Variants in POLD1 observed in about 807,000 individuals in gnomAD.
The protein encoded by POLD1 is DNA polymerase delta catalytic subunit.
POLD1 carries 79 observed loss-of-function variants against 129.7 expected under a neutral mutation model. The observed-to-expected ratio is 0.61, with a 90% CI of 0.51 to 0.73. The LOEUF is 0.73. Ranked by LOEUF, POLD1 falls within the 30% of genes least tolerant of loss-of-function variation. POLD1 has a pLI of 0.00. For synonymous variants in POLD1, 714 were observed against 683.3 expected (o/e 1.04, Z -0.70); for missense variants, 1,338 against 1,595.8 (o/e 0.84, Z 2.75).
At chr19:50,400,133 ATTTTTTTTTTTTT>A (rs71182715) in intron 3 of POLD1, among the ~76,000 whole-genome samples, 3,134 of 48,346 alleles carry the variant, frequency 0.065, 188 homozygotes, top group African/African-American at 0.17. Flanking sequence ...TTTTTAAAAG[ATTTTTTTTTTTTT>A]TTTTTTTTTT....
chr19:50,405,721 G>T (rs764374522), intron 10 of POLD1, among the ~76,000 whole-genome samples: 1 of 152,074 alleles, frequency 6.6e-6, no homozygotes, highest in Non-Finnish European at 1.5e-5. Context: ...CCCAGCTCAG[G>T]CTTCTTCTGG....
At chr19:50,388,982 A>G (rs1166299863) in intron 1 of POLD1, among the ~76,000 whole-genome samples, 4 of 151,554 alleles carry the variant, frequency 2.6e-5, no homozygotes, top group African/African-American at 9.7e-5. Context: ...ATAGGCGCGC[A>G]CCACCACATC....
rs775434361 is a variant in POLD1, at chr19:50,407,354, G to A, written c.1714G>A (p.Val572Met). The stretch of plus-strand genomic sequence containing the variant: ...CATGCACGAGGGGCTGCTGATGCCC[G>A]TGGTGAAGTCAGAGGGCGGCGAGGA... Reference protein sequence around the residue: ...QAMHEGLLMPVVKSEGGEDYT... With the variant: ...QAMHEGLLMPMVKSEGGEDYT... Residue 572 changes from valine (V) to methionine (M), a missense_variant, in exon 14 of 27, where the codon GTG (valine) becomes ATG (methionine). Around this residue, in one of 3 missense-constraint regions of POLD1, gnomAD observed 720 missense variants for 1,002.6 expected, o/e 0.72. Coordinates refer to ENST00000440232, the MANE Select transcript of POLD1 (RefSeq NM_002691.4). 16 of 1,612,746 alleles carry A rather than the reference G, an allele frequency of 9.9e-6. No individual in the cohort carries two copies. Among genetic ancestry groups the A allele is most frequent in the Admixed American group, 1.7e-5 (1 of 59,942 alleles).
chr19:50,411,318 C>T (rs989822617), intron 17 of POLD1, among the ~76,000 whole-genome samples: 1 of 152,166 alleles, frequency 6.6e-6, no homozygotes, highest in Non-Finnish European at 1.5e-5. Flanking sequence ...TCCCCAGCCT[C>T]CTTGGTGGAA....
intron 1 of POLD1, among the ~76,000 whole-genome samples, chr19:50,388,806 A>C (rs986637975): frequency 1.3e-5 from 2 of 150,462 alleles, no homozygotes; most frequent in African/African-American, 4.9e-5. Context: ...TTCACCTCTG[A>C]AAACTCCAGC....
chr19:50,402,671 G>T lies in POLD1; in HGVS notation c.900G>T (p.Pro300=), dbSNP rs142407935. ...VLWSDVVSHP[P]EGPWQRIAPL... is the part of the protein sequence containing the mutation. ...GGTCTGACGTGGTCAGTCACCCACC[G>T]GAAGGGCCATGGCAGCGCATTGCGC... Residue 300 remains proline (P), a synonymous_variant, in exon 8 of 27, where the codon CCG becomes CCT. Coordinates refer to ENST00000440232, the MANE Select transcript of POLD1 (RefSeq NM_002691.4). The T allele has an allele frequency of 3.1e-6, 5 of 1,598,278 alleles. No individual in the cohort carries two copies. Among genetic ancestry groups the T allele is most frequent in the South Asian group, 1.1e-5 (1 of 89,640 alleles).
intron 13 of POLD1, 68 bp downstream of exon 13, chr19:50,407,242 C>A: frequency 1.3e-6 from 2 of 1,536,574 alleles, no homozygotes; most frequent in Non-Finnish European, 1.8e-6. Context: ...CAGGCAATGG[C>A]ATCCTGGATG....
rs949984310 is a variant in POLD1, at chr19:50,384,405, A to G, written c.-2+15A>G. 6.6e-6 allele frequency: 1 copy of G among 152,522 alleles called. No individual in the cohort carries two copies. The highest frequency in any genetic ancestry group is 2.4e-5 in the African/African-American group (1 of 41,422). The allele number at this position is 152,522 out of a possible 1,614,324, so 9.4% of individuals were successfully genotyped here. A position where few individuals can be genotyped will look rare whatever the true frequency, so the allele number is the denominator to read the frequency against. On this transcript the variant is annotated intron_variant, in intron 1 of 26. Transcript: ENST00000440232. ...GTTTGAAGCGGGTGAGTAGAGGGGA[A>G]AAAGGGAGTTCGGGGCAGTGGGCCT...
intron 1 of POLD1, among the ~76,000 whole-genome samples, chr19:50,385,232 T>C (rs1463165771): frequency 6.6e-6 from 1 of 152,162 alleles, no homozygotes; most frequent in Non-Finnish European, 1.5e-5. Context: ...GAGAGCGTCC[T>C]GCAGGCAGAG....
intron 20 of POLD1, 54 bp downstream of exon 20, chr19:50,415,044 C>A: frequency 7.0e-7 from 1 of 1,422,150 alleles, no homozygotes. Context: ...AACCCCTCCT[C>A]CCTCAGACCC....
chr19:50,393,145 T>C (rs1362103189), intron 1 of POLD1, among the ~76,000 whole-genome samples: 1 of 151,680 alleles, frequency 6.6e-6, no homozygotes, highest in Non-Finnish European at 1.5e-5. Context: ...AACTTTTATG[T>C]TTATAATTGA....
intron 17 of POLD1, among the ~76,000 whole-genome samples, chr19:50,412,154 T>C (rs2039108603): frequency 6.6e-6 from 1 of 152,008 alleles, no homozygotes; most frequent in African/African-American, 2.4e-5. Context: ...CTCTTTTAGT[T>C]TTTGTTTGTT....
chr19:50,391,369 C>T (rs1266010740), intron 1 of POLD1, among the ~76,000 whole-genome samples: 3 of 152,034 alleles, frequency 2.0e-5, no homozygotes, highest in East Asian at 1.9e-4. Flanking sequence ...GAGGTTGTAG[C>T]GAGCCGAGAT....
At chr19:50,415,643 G>A in intron 21 of POLD1, 53 bp downstream of exon 21, 1 of 1,575,560 alleles carries the variant, frequency 6.3e-7, no homozygotes, top group Non-Finnish European at 8.6e-7. Flanking sequence ...CTTCCTGCCA[G>A]CTGGGCCCAC....
rs750144413 is a variant in POLD1 at position 50,402,032 on chromosome 19, G to A, written c.497G>A (p.Arg166Gln). 9.3e-6 allele frequency: 15 copies of A among 1,613,954 alleles called. No individual in the cohort carries two copies. The highest frequency in any genetic ancestry group is 1.7e-5 in the Admixed American group (1 of 60,012). The change falls in exon 5 of 27, where the codon CGG becomes CAG. Residue 166 changes from arginine (R) to glutamine (Q), a missense_variant. Transcript: ENST00000440232. ...CCCGAGCACATGGGTGACCTGCAAC[G>A]GGAGCTGAACTTGGCCATCAGCCGG... is the stretch of plus-strand genomic sequence containing the variant. ...FGPEHMGDLQ[R>Q]ELNLAISRDS...
Position 50,403,098 on chromosome 19 carries a change from C to A in POLD1, c.1016C>A (p.Ser339Ter), listed in dbSNP as rs866500487. ...CGGGACCCTGTCATCCAGATCTGCTCGCTGGGCCTGCGCTGGGGGGAGCCG... is the reference window on the plus strand; with the variant it reads ...CGGGACCCTGTCATCCAGATCTGCTAGCTGGGCCTGCGCTGGGGGGAGCCG... ...PERDPVIQIC[S>*]LGLRWGEPEP... The change falls in exon 9 of 27, where the codon TCG becomes TAG. Residue 339 changes from serine to a stop codon, truncating the protein, a stop_gained. Transcript: ENST00000440232. LOFTEE classifies it high-confidence loss of function. The A allele has an allele frequency of 6.4e-6, 10 of 1,565,020 alleles. No homozygotes were observed. Among genetic ancestry groups the A allele is most frequent in the Non-Finnish European group, 8.7e-6 (10 of 1,154,316 alleles).
At chr19:50,396,685 T>A (rs1302123937) in intron 1 of POLD1, among the ~76,000 whole-genome samples, 1 of 151,740 alleles carries the variant, frequency 6.6e-6, no homozygotes, top group Non-Finnish European at 1.5e-5. Flanking sequence ...TTTCACCATG[T>A]TAGCCAGGAT....
chr19:50,401,647 A>T lies in POLD1; in HGVS notation c.317-131A>T, dbSNP rs1454972549. ...AGATGGGAACCAGGGGGGAGGCTGAAATGGACACAGGGAACGGTACAGGGG... is the reference window on the plus strand; with the variant it reads ...AGATGGGAACCAGGGGGGAGGCTGATATGGACACAGGGAACGGTACAGGGG... On this transcript the variant is annotated intron_variant, in intron 3 of 26. Transcript: ENST00000440232. 3 of 975,418 alleles carry T rather than the reference A, an allele frequency of 3.1e-6. No individual in the cohort carries two copies. The African/African-American group carries it at 4.9e-5, about 16-fold the overall frequency. The allele number at this position is 975,418 out of a possible 1,614,324, so 60.4% of individuals were successfully genotyped here.
chr19:50,416,438 C>G lies in POLD1; in HGVS notation c.2863C>G (p.Gln955Glu). 6.5e-7 allele frequency: 1 copy of G among 1,550,054 alleles called. No homozygotes were observed. The highest frequency in any genetic ancestry group is 8.7e-7 in the Non-Finnish European group (1 of 1,147,460). ...GGAGCACAGCCTGCCCATTGACACG[C>G]AGTACTACCTGGAGCAGCAGCTGGC... ...VLEHSLPIDT[Q>E]YYLEQQLAKP... The change falls in exon 23 of 27, where the codon CAG (glutamine) becomes GAG (glutamate). Residue 955 changes from glutamine to glutamate, a missense_variant. Gln to Glu is a conservative substitution (Grantham distance 29). Coordinates refer to ENST00000440232, the MANE Select transcript of POLD1 (RefSeq NM_002691.4).
Sources: allele counts gnomAD v4.1 joint callset (sites outside exome capture counted in the v4.1 genomes callset), GRCh38; gene constraint gnomAD v4.1.1; regional missense constraint gnomAD v4.1.1; transcripts MANE v1.5; gene names NCBI Gene and HGNC (gene_info 2026-07-23, HGNC 2026-07-21).